LIN28B: variants seen among roughly 807,000 people sequenced by gnomAD.
The protein encoded by LIN28B is protein lin-28 homolog B.
Under a neutral mutation model 21.9 loss-of-function variants are expected in LIN28B, and 5 were observed. The observed-to-expected ratio is 0.23, with a 90% CI of 0.12 to 0.48. The LOEUF (loss-of-function observed/expected upper bound fraction) is 0.48. LIN28B is among the 20% of genes least tolerant of loss of function. The pLI is 0.98. For missense variants in LIN28B, 245 were observed against 310.5 expected, an observed-to-expected ratio of 0.79 and a Z score of 1.58; for synonymous variants, 109 against 111.3, an observed-to-expected ratio of 0.98 and a Z score of 0.13.
chr6:104,958,115 TG>T lies in LIN28B; in HGVS notation c.29del (p.Gly10ValfsTer39). 1 of 1,592,848 alleles carries T rather than the reference TG, an allele frequency of 6.3e-7. No homozygotes were observed. Among genetic ancestry groups the T allele is most frequent in the South Asian group, 1.1e-5 (1 of 88,288 alleles). On this transcript the variant is annotated frameshift_variant, in exon 2 of 4. Transcript: ENST00000345080. LOFTEE classifies it high-confidence loss of function. MAEGGASKG[G>X]GEEPGKLPEP... ...CCTTCTCAGGCGGGGCTAGCAAAGG[TG>T]GTGGAGAAGAGCCCGGGAAGCTGCC...
chr6:105,017,080 A>G (rs1443788576), intron 2 of LIN28B, among the ~76,000 whole-genome samples: 1 of 151,576 alleles, frequency 6.6e-6, no homozygotes, highest in East Asian at 1.9e-4. Flanking sequence ...CTCAAAAAAA[A>G]AAAAAAAAAA....
At chr6:105,013,838 T>G (rs1770971981) in intron 2 of LIN28B, among the ~76,000 whole-genome samples, 1 of 152,232 alleles carries the variant, frequency 6.6e-6, no homozygotes, top group Non-Finnish European at 1.5e-5. Flanking sequence ...CATTGTCAAT[T>G]TTATTGCAAT....
At chr6:105,022,994 G>C (rs1467989049) in intron 2 of LIN28B, among the ~76,000 whole-genome samples, 1 of 150,828 alleles carries the variant, frequency 6.6e-6, no homozygotes, top group Non-Finnish European at 1.5e-5. Flanking sequence ...GTAAGCATTG[G>C]AACCAGTGTA....
intron 3 of LIN28B, among the ~76,000 whole-genome samples, chr6:105,050,608 CAAAAAAAAAAAAAA>C (rs61464567): frequency 6.3e-5 from 3 of 47,606 alleles, no homozygotes; most frequent in African/African-American, 8.6e-5. Context: ...GACTCCGTCT[CAAAAAAAAAAAAAA>C]AAAAAAAAAA....
chr6:105,078,759 A>C lies in LIN28B; in HGVS notation c.729A>C (p.Ser243=). Residue 243 remains serine (S), a synonymous_variant, in exon 4 of 4, where the codon TCA becomes TCC. Transcript: ENST00000345080. ...APEEQSKKGP[S]VQKRKKT ...AAGAGCAAAGCAAAAAGGGGCCTTC[A>C]GTTCAAAAAAGGAAAAAGACATAAC... The C allele has an allele frequency of 6.2e-7, 1 of 1,613,274 alleles. No individual in the cohort carries two copies. Among genetic ancestry groups the C allele is most frequent in the Non-Finnish European group, 8.5e-7 (1 of 1,179,626 alleles).
chr6:104,949,957 G>A (rs1156410792), intron 2 of LIN28B, among the ~76,000 whole-genome samples: 4 of 152,044 alleles, frequency 2.6e-5, no homozygotes, highest in Non-Finnish European at 5.9e-5. Flanking sequence ...TACCATTAAT[G>A]TAATTTTTCA....
intron 2 of LIN28B, among the ~76,000 whole-genome samples, chr6:104,995,967 A>G (rs1008810181): frequency 6.8e-6 from 1 of 146,676 alleles, no homozygotes; most frequent in Admixed American, 6.8e-5. Flanking sequence ...TATATACTTT[A>G]TATATATATA....
At chr6:104,985,045 A>G (rs1156658130) in intron 2 of LIN28B, among the ~76,000 whole-genome samples, 1 of 152,164 alleles carries the variant, frequency 6.6e-6, no homozygotes, top group Non-Finnish European at 1.5e-5. Context: ...TACTTCCACC[A>G]TGGCCAATTT....
At chr6:105,067,120 T>G (rs1394915568) in intron 3 of LIN28B, among the ~76,000 whole-genome samples, 1 of 152,178 alleles carries the variant, frequency 6.6e-6, no homozygotes, top group Non-Finnish European at 1.5e-5. Context: ...AACAAACATT[T>G]CCAGACTGCA....
At chr6:105,031,223 T>C (rs1771415934) in intron 3 of LIN28B, among the ~76,000 whole-genome samples, 1 of 152,092 alleles carries the variant, frequency 6.6e-6, no homozygotes, top group Admixed American at 6.5e-5. Flanking sequence ...CACCGTTATT[T>C]ATTTTACTGG....
rs531130835 is a variant in LIN28B, at chr6:105,071,173, C to T, written c.384-7241C>T. ...GATTACAGGCATGAGCCACTGCACCCGGCCGGTTTTTACATGCATTTGAAA... is the reference window on the plus strand; with the variant it reads ...GATTACAGGCATGAGCCACTGCACCTGGCCGGTTTTTACATGCATTTGAAA... On this transcript the variant is annotated intron_variant, in intron 3 of 3. Transcript: ENST00000345080. 2.6e-5 allele frequency among the ~76,000 whole-genome samples: 4 copies of T among 152,114 alleles called. No homozygotes were observed. The South Asian group carries it at 6.3e-4, about 24-fold the overall frequency.
chr6:105,005,018 ATCT>A (rs1163600949), intron 2 of LIN28B, among the ~76,000 whole-genome samples: 1 of 152,212 alleles, frequency 6.6e-6, no homozygotes, highest in Non-Finnish European at 1.5e-5. Flanking sequence ...GATTGAACAT[ATCT>A]TTAAACTCCT....
chr6:105,058,176 A>C (rs563090785), intron 3 of LIN28B: 1 of 284,454 alleles, frequency 3.5e-6, no homozygotes, highest in East Asian at 1.4e-4. Context: ...CCATTTAAAA[A>C]GAAATTCTCA....
intron 2 of LIN28B, among the ~76,000 whole-genome samples, chr6:104,970,938 A>G (rs1323891764): frequency 6.6e-6 from 1 of 152,118 alleles, no homozygotes; most frequent in Non-Finnish European, 1.5e-5. Context: ...AAATGAGGAT[A>G]AGTGTTTGAT....
At chr6:104,944,026 G>C (rs919859014) in intron 2 of LIN28B, among the ~76,000 whole-genome samples, 21 of 152,088 alleles carry the variant, frequency 1.4e-4, no homozygotes, top group Non-Finnish European at 2.8e-4. Flanking sequence ...CAGCCATATT[G>C]GTCCCTGCTA....
chr6:105,069,097 A>G (rs1419565854), intron 3 of LIN28B, among the ~76,000 whole-genome samples: 1 of 152,084 alleles, frequency 6.6e-6, no homozygotes, highest in Middle Eastern at 3.2e-3. Context: ...GCACACCTAT[A>G]ATCCCAGCTA....
At chr6:104,974,711 G>A (rs1253286838) in intron 2 of LIN28B, among the ~76,000 whole-genome samples, 1 of 151,458 alleles carries the variant, frequency 6.6e-6, no homozygotes, top group Non-Finnish European at 1.5e-5. Flanking sequence ...TACACAGTAT[G>A]GTTATGAATC....
intron 2 of LIN28B, among the ~76,000 whole-genome samples, chr6:104,978,342 T>C (rs1289530712): frequency 6.6e-6 from 1 of 152,178 alleles, no homozygotes; most frequent in African/African-American, 2.4e-5. Flanking sequence ...GGCAGTCTCA[T>C]TGGGAAGATG....
intron 3 of LIN28B, among the ~76,000 whole-genome samples, chr6:105,063,351 CA>C (rs951339593): frequency 1.3e-5 from 2 of 152,168 alleles, no homozygotes; most frequent in African/African-American, 4.8e-5. Flanking sequence ...AACACTGTCC[CA>C]ATGTCTTTGG....
Sources: allele counts gnomAD v4.1 joint callset (sites outside exome capture counted in the v4.1 genomes callset), GRCh38; gene constraint gnomAD v4.1.1; transcripts MANE v1.5; gene names NCBI Gene and HGNC (gene_info 2026-07-23, HGNC 2026-07-21).